SLC52A2: variants seen among roughly 807,000 people sequenced by gnomAD.
SLC52A2 encodes the protein solute carrier family 52, riboflavin transporter, member 2.
In SLC52A2, 16 loss-of-function variants were observed where a neutral mutation model predicts 24.8. That is an observed-to-expected ratio of 0.64 (90% CI 0.44 to 0.98). The LOEUF (loss-of-function observed/expected upper bound fraction) is 0.98, where lower values mean the gene tolerates loss of function less well. SLC52A2 is among the 50% of genes least tolerant of loss of function. The pLI, the probability that SLC52A2 is intolerant of heterozygous loss-of-function variation, is 0.00. For synonymous variants in SLC52A2, 335 were observed against 276.3 expected, an observed-to-expected ratio of 1.21 and a Z score of -2.11; for missense variants, 612 against 575.9, an observed-to-expected ratio of 1.06 and a Z score of -0.64.
rs1818645546 is a variant in SLC52A2 at position 144,359,170 on chromosome 8, CTGTT to C, written c.-110-12_-110-9del. The C allele has an allele frequency of 7.0e-7, 1 of 1,429,910 alleles. No homozygotes were observed. The allele number at this position is 1,429,910 out of a possible 1,614,324, so 88.6% of individuals were successfully genotyped here. ...CCGGCTCTGCATCCTATCTGTTTCT[CTGTT>C]TCTTTCAAGCTAGAAGAAGTCTTCA... is the stretch of plus-strand genomic sequence containing the variant. On this transcript the variant is annotated splice_polypyrimidine_tract_variant and intron_variant, in intron 1 of 4. Coordinates refer to ENST00000643944, the MANE Select transcript of SLC52A2 (RefSeq NM_001363118.2).
chr8:144,361,190 G>GC lies in SLC52A2; in HGVS notation c.*177dup. ...GGCAAGGGCAAGGAGCAGGCTTGGA[G>GC]CCAGGGACCAGTGGGGGCTGTAGGG... On this transcript the variant is annotated 3_prime_UTR_variant, in exon 5 of 5. Coordinates refer to ENST00000643944, the MANE Select transcript of SLC52A2 (RefSeq NM_001363118.2). 1 of 657,778 alleles carries GC rather than the reference G, an allele frequency of 1.5e-6. No homozygotes were observed. The highest frequency in any genetic ancestry group is 2.6e-6 in the Non-Finnish European group (1 of 387,598). 40.7% of individuals were successfully genotyped at this position (657,778 alleles called of 1,614,324 possible). A position where few individuals can be genotyped will look rare whatever the true frequency, so the allele number is the denominator to read the frequency against.
Position 144,361,112 on chromosome 8 carries a change from G to C in SLC52A2, c.*97G>C. 8.1e-7 allele frequency: 1 copy of C among 1,241,510 alleles called. No individual in the cohort carries two copies. Among genetic ancestry groups the C allele is most frequent in the Non-Finnish European group, 1.2e-6 (1 of 868,506 alleles). 76.9% of individuals were successfully genotyped at this position (1,241,510 alleles called of 1,614,324 possible). ...TGCAGCCCAGGAGGCCCGCACACCGGTACACTCGTGGACACCTACACACTC... is the reference window on the plus strand; with the variant it reads ...TGCAGCCCAGGAGGCCCGCACACCGCTACACTCGTGGACACCTACACACTC... On this transcript the variant is annotated 3_prime_UTR_variant, in exon 5 of 5. Coordinates refer to ENST00000643944, the MANE Select transcript of SLC52A2 (RefSeq NM_001363118.2).
At chr8:144,360,775 C>A in intron 4 of SLC52A2, 28 bp from the exon 5 acceptor site, 1 of 1,608,778 alleles carries the variant, frequency 6.2e-7, no homozygotes, top group Non-Finnish European at 8.5e-7. Context: ...GCACATCTCA[C>A]GCTCAGCTGG....
At position 144,359,233 on chromosome 8, in the gene SLC52A2, G is replaced by C. The variant is rs1564653496; in HGVS notation, c.-61G>C. On this transcript the variant is annotated 5_prime_UTR_variant, in exon 2 of 5. Coordinates refer to ENST00000643944, the MANE Select transcript of SLC52A2 (RefSeq NM_001363118.2). The stretch of plus-strand genomic sequence containing the variant: ...GAGAGCCAAAGCGTGTCTGGCCCTA[G>C]GTGGGAAAAGAACTGGCTGTGACCT... The C allele has an allele frequency of 1.1e-5, 17 of 1,549,924 alleles. No individual in the cohort carries two copies. The highest frequency in any genetic ancestry group is 1.4e-5 in the Non-Finnish European group (16 of 1,150,614).
chr8:144,360,677 G>A lies in SLC52A2; in HGVS notation c.1089G>A (p.Pro363=), dbSNP rs146292053. 8,987 of 1,604,502 alleles carry A rather than the reference G, an allele frequency of 5.6e-3. 67 individuals are homozygous for A. The highest frequency in any genetic ancestry group is 5.6e-3 in the Non-Finnish European group (6,543 of 1,178,832). The part of the protein sequence containing the change: ...LMALAVLSPC[P]PLVGTSAGVV... ...CGCTGGCAGTCCTGAGCCCCTGCCC[G>A]CCCCTGGTGGGCACCTCGGCGGGGG... The change falls in exon 4 of 5, where the codon CCG becomes CCA. Residue 363 remains proline (P), a synonymous_variant. Transcript: ENST00000643944.
rs1554853840 is a variant in SLC52A2 at position 144,359,635 on chromosome 8, C to T, written c.143C>T (p.Pro48Leu). The change falls in exon 3 of 5, where the codon CCC (proline) becomes CTC (leucine). Residue 48 changes from proline to leucine, a missense_variant. By Grantham distance (98) the Pro-to-Leu change is moderately conservative. Transcript: ENST00000643944. ...CCCTTCCCTGCAGGTTGGAGCCTCCCCTCTTACGTCTCTGTGCTTGTGGCT... is the reference window on the plus strand; with the variant it reads ...CCCTTCCCTGCAGGTTGGAGCCTCCTCTCTTACGTCTCTGTGCTTGTGGCT... Reference protein sequence around the residue: ...VKELPEGWSLPSYVSVLVALG... With the variant: ...VKELPEGWSLLSYVSVLVALG... 1.9e-6 allele frequency: 3 copies of T among 1,612,690 alleles called. No homozygotes were observed. The highest frequency in any genetic ancestry group is 2.5e-6 in the Non-Finnish European group (3 of 1,179,028).
chr8:144,359,130 C>T lies in SLC52A2; in HGVS notation c.-110-54C>T, dbSNP rs535748528. 1,048 of 1,127,322 alleles carry T rather than the reference C, an allele frequency of 9.3e-4. 4 individuals are homozygous for T. Among genetic ancestry groups the T allele is most frequent in the South Asian group, 3.2e-3 (196 of 61,082 alleles). 69.8% of individuals were successfully genotyped at this position (1,127,322 alleles called of 1,614,324 possible). A position where few individuals can be genotyped will look rare whatever the true frequency, so the allele number is the denominator to read the frequency against. On this transcript the variant is annotated intron_variant, in intron 1 of 4. Transcript: ENST00000643944. ...GGGGCTCCCCCAGTTCCCCTGGTCT[C>T]ACCCTGTTCTGACTCCGGCTCTGCA...
Position 144,360,261 on chromosome 8 carries a change from G to C in SLC52A2, c.769G>C (p.Ala257Pro). The change falls in exon 3 of 5, where the codon GCA (alanine) becomes CCA (proline). Residue 257 changes from alanine to proline, a missense_variant. Physicochemically the swap from Ala to Pro is conservative, Grantham distance 27. Transcript: ENST00000643944. The part of the protein sequence containing the change: ...SSPLQEPPSQ[A>P]AGTTPGPDPK... ...ACCACTGCAAGAGCCACCAAGCCAGGCAGCAGGCACCACCCCTGGTCCAGA... is the reference window on the plus strand; with the variant it reads ...ACCACTGCAAGAGCCACCAAGCCAGCCAGCAGGCACCACCCCTGGTCCAGA... The C allele has an allele frequency of 6.2e-7, 1 of 1,612,408 alleles. No homozygotes were observed. Among genetic ancestry groups the C allele is most frequent in the Non-Finnish European group, 8.5e-7 (1 of 1,180,008 alleles).
At position 144,360,068 on chromosome 8, in the gene SLC52A2, C is replaced by A; in HGVS notation, c.576C>A (p.Pro192=). 2 of 1,613,016 alleles carry A rather than the reference C, an allele frequency of 1.2e-6. No homozygotes were observed. The highest frequency in any genetic ancestry group is 1.7e-6 in the Non-Finnish European group (2 of 1,180,026). The part of the protein sequence containing the change: ...GPPLDFLERF[P]ASTFFWALTA... ...CGCTCGACTTCCTTGAGCGTTTTCC[C>A]GCCAGCACCTTCTTCTGGGCACTGA... is the stretch of plus-strand genomic sequence containing the variant. The change falls in exon 3 of 5, where the codon CCC becomes CCA. Residue 192 remains proline, a synonymous_variant. Coordinates refer to ENST00000643944, the MANE Select transcript of SLC52A2 (RefSeq NM_001363118.2).
intron 2 of SLC52A2, 73 bp downstream of exon 2, chr8:144,359,496 TGTG>T: frequency 6.2e-7 from 1 of 1,613,254 alleles, no homozygotes; most frequent in Non-Finnish European, 8.5e-7. Context: ...TGGAGCTACC[TGTG>T]GTGGTCAGAG....
intron 2 of SLC52A2, 30 bp downstream of exon 2, chr8:144,359,453 A>C (rs782452662): frequency 6.2e-7 from 1 of 1,609,194 alleles, no homozygotes; most frequent in Non-Finnish European, 8.5e-7. Flanking sequence ...AGGTGTGCCC[A>C]AGACTCCTGG....
At position 144,360,185 on chromosome 8, in the gene SLC52A2, A is replaced by G. The variant is rs1554854139; in HGVS notation, c.693A>G (p.Ser231=). The G allele has an allele frequency of 9.3e-6, 15 of 1,612,834 alleles. No individual in the cohort carries two copies. In the South Asian group the frequency reaches 1.6e-4, roughly 18 times the overall value. ...CTGTACCCACAGGGGAGTTAGGATC[A>G]GGCCTCCAGGTGGGAGCCCCAGGAG... ...PPSVPTGELG[S]GLQVGAPGAE... The change falls in exon 3 of 5, where the codon TCA becomes TCG. Residue 231 remains serine (S), a synonymous_variant. Transcript: ENST00000643944.
chr8:144,360,295 CCTAT>C lies in SLC52A2; in HGVS notation c.805_808del (p.Tyr269SerfsTer20). The C allele has an allele frequency of 6.2e-7, 1 of 1,611,482 alleles. No homozygotes were observed. The highest frequency in any genetic ancestry group is 1.3e-5 in the African/African-American group (1 of 75,064). ...ACCACCCCTGGTCCAGACCCTAAGGCCTATCAGCTTCTATCAGCCCGCAGTGCCT... is the reference window on the plus strand; with the variant it reads ...ACCACCCCTGGTCCAGACCCTAAGGCCAGCTTCTATCAGCCCGCAGTGCCT... On this transcript the variant is annotated frameshift_variant, in exon 3 of 5. Transcript: ENST00000643944. LOFTEE classifies it high-confidence loss of function.
Position 144,360,438 on chromosome 8 carries a change from C to G in SLC52A2, c.946C>G (p.Leu316Val). 1 of 1,605,626 alleles carries G rather than the reference C, an allele frequency of 6.2e-7. No homozygotes were observed. The highest frequency in any genetic ancestry group is 8.5e-7 in the Non-Finnish European group (1 of 1,179,878). ...TCTGGCCTACCACCTGGCTGTGGTG[C>G]TGGGCAGTGCTGCCAATCCCCTGGC... ...GRLAYHLAVV[L>V]GSAANPLACF... The change falls in exon 3 of 5, where the codon CTG (leucine) becomes GTG (valine). Residue 316 changes from leucine to valine, a missense_variant. Coordinates refer to ENST00000643944, the MANE Select transcript of SLC52A2 (RefSeq NM_001363118.2).
In SLC52A2 at chr8:144,359,705, G is replaced by A. The variant is rs961327332; in HGVS notation, c.213G>A (p.Leu71=). The change falls in exon 3 of 5, where the codon CTG becomes CTA. Residue 71 remains leucine, a synonymous_variant. Transcript: ENST00000643944. ...GLLVVTLWRR[L]APGKDEQVPI... is the part of the protein sequence containing the mutation. The stretch of plus-strand genomic sequence containing the variant: ...TGGTGGTGACCCTCTGGAGGAGGCT[G>A]GCCCCAGGAAAGGACGAGCAGGTCC... 6.2e-7 allele frequency: 1 copy of A among 1,613,550 alleles called. No individual in the cohort carries two copies. The highest frequency in any genetic ancestry group is 1.3e-5 in the African/African-American group (1 of 74,916).
rs782725706 is a variant in SLC52A2, at chr8:144,360,381, G to A, written c.889G>A (p.Val297Met). ...NALTNGVLPA[V>M]QSFSCLPYGR... is the part of the protein sequence containing the mutation. ...GCTGACCAATGGCGTGCTGCCTGCC[G>A]TGCAGAGCTTTTCCTGCTTACCCTA... Residue 297 changes from valine (V) to methionine (M), a missense_variant, in exon 3 of 5, where the codon GTG (valine) becomes ATG (methionine). Coordinates refer to ENST00000643944, the MANE Select transcript of SLC52A2 (RefSeq NM_001363118.2). 15 of 1,608,044 alleles carry A rather than the reference G, an allele frequency of 9.3e-6. No individual in the cohort carries two copies. Among genetic ancestry groups the A allele is most frequent in the South Asian group, 7.7e-5 (7 of 91,090 alleles).
chr8:144,359,748 G>T lies in SLC52A2; in HGVS notation c.256G>T (p.Val86Leu). The T allele has an allele frequency of 6.2e-7, 1 of 1,613,656 alleles. No homozygotes were observed. The highest frequency in any genetic ancestry group is 8.5e-7 in the Non-Finnish European group (1 of 1,180,014). The change falls in exon 3 of 5, where the codon GTG becomes TTG. Residue 86 changes from valine to leucine, a missense_variant. Transcript: ENST00000643944. ...DEQVPIRVVQ[V>L]LGMVGTALLA... Reference sequence around the variant, plus strand: ...GCAGGTCCCCATCCGGGTGGTGCAGGTGCTGGGCATGGTGGGCACAGCCCT... The same window carrying T: ...GCAGGTCCCCATCCGGGTGGTGCAGTTGCTGGGCATGGTGGGCACAGCCCT...
Position 144,360,614 on chromosome 8 carries a change from C to T in SLC52A2, c.1026C>T (p.Leu342=). The T allele has an allele frequency of 6.2e-7, 1 of 1,603,236 alleles. No individual in the cohort carries two copies. The highest frequency in any genetic ancestry group is 8.5e-7 in the Non-Finnish European group (1 of 1,179,290). Residue 342 remains leucine, a synonymous_variant, in exon 4 of 5, where the codon CTC becomes CTT. Transcript: ENST00000643944. ...GGTCCTTGGCAGGGCTGGGCGGCCT[C>T]TCTCTGCTGGGCGTGTTCTGTGGGG... The part of the protein sequence containing the change: ...LCRSLAGLGG[L]SLLGVFCGGY...
chr8:144,360,980 A>T lies in SLC52A2; in HGVS notation c.1303A>T (p.Ser435Cys). 1.9e-6 allele frequency: 3 copies of T among 1,613,512 alleles called. No individual in the cohort carries two copies. Among genetic ancestry groups the T allele is most frequent in the Non-Finnish European group, 2.5e-6 (3 of 1,179,990 alleles). The stretch of plus-strand genomic sequence containing the variant: ...GACCAGCATCTATCACGTGTTCCAC[A>T]GCAGAAAGGACTGTGCAGACCCCTG... ...PPTSIYHVFH[S>C]RKDCADPCDS The change falls in exon 5 of 5, where the codon AGC (serine) becomes TGC (cysteine). Residue 435 changes from serine to cysteine, a missense_variant. Coordinates refer to ENST00000643944, the MANE Select transcript of SLC52A2 (RefSeq NM_001363118.2).
Sources: allele counts gnomAD v4.1 joint callset, GRCh38; gene constraint gnomAD v4.1.1; transcripts MANE v1.5; gene names NCBI Gene and HGNC (gene_info 2026-07-23, HGNC 2026-07-21).